The following FAM83H variants were observed in gnomAD, a reference collection of about 807,000 sequenced individuals.
The protein encoded by FAM83H is protein FAM83H.
Under a neutral mutation model 30.2 loss-of-function variants are expected in FAM83H, and 24 were observed. The observed-to-expected ratio is 0.79, with a 90% CI of 0.57 to 1.12. The LOEUF (loss-of-function observed/expected upper bound fraction) is 1.12. FAM83H is among the 50% of genes most tolerant of loss of function. FAM83H has a pLI of 0.00. For synonymous variants in FAM83H, 1,013 were observed against 821.7 expected (o/e 1.23, Z -3.98); for missense variants, 2,038 against 1,773.9 (o/e 1.15, Z -2.67).
chr8:143,730,649 C>T lies in FAM83H; in HGVS notation c.-15-52G>A, dbSNP rs1308313043. 3.1e-6 allele frequency: 4 copies of T among 1,278,708 alleles called. No individual in the cohort carries two copies. The South Asian group carries it at 4.5e-5, about 14-fold the overall frequency. 79.2% of individuals were successfully genotyped at this position (1,278,708 alleles called of 1,614,324 possible). ...AGGGGTGGGGGCACTGGGACCACTC[C>T]TACCCTCGAGCATGGACACACTGTG... On this transcript the variant is annotated intron_variant, in intron 1 of 4. Transcript: ENST00000388913.
At chr8:143,729,477 A>G (rs1554623833) in intron 2 of FAM83H, among the ~76,000 whole-genome samples, 154 bp from the exon 3 acceptor site, 1 of 152,206 alleles carries the variant, frequency 6.6e-6, no homozygotes, top group African/African-American at 2.4e-5. Context: ...ATCTGGGAAG[A>G]TGGGCAGGAA....
rs782792314 is a variant in FAM83H at position 143,728,626 on chromosome 8, C to T, written c.835G>A (p.Ala279Thr). The change falls in exon 5 of 5, where the codon GCG becomes ACG. Residue 279 changes from alanine to threonine, a missense_variant. Ala to Thr is a moderately conservative substitution (Grantham distance 58). Transcript: ENST00000388913. ...GAGGGCACAAGCGGCTCGGACTGCG[C>T]GAAGAGGATGCGGAACTCCTCGTCG... The part of the protein sequence containing the change: ...SFDEEFRILF[A>T]QSEPLVPSAA... 1.9e-6 allele frequency: 3 copies of T among 1,609,466 alleles called. No homozygotes were observed. Among genetic ancestry groups the T allele is most frequent in the South Asian group, 1.1e-5 (1 of 91,052 alleles).
At position 143,725,390 on chromosome 8, in the gene FAM83H, G is replaced by A. The variant is rs533325758; in HGVS notation, c.*531C>T. The A allele has an allele frequency of 5.3e-4, 90 of 169,510 alleles. No individual in the cohort carries two copies. The highest frequency in any genetic ancestry group is 2.1e-3 in the African/African-American group (88 of 41,766). 10.5% of individuals were successfully genotyped at this position (169,510 alleles called of 1,614,324 possible). On this transcript the variant is annotated 3_prime_UTR_variant, in exon 5 of 5. Transcript: ENST00000388913. ...GCGGGCTGATCATTTGAGGCCAGGA[G>A]TTGGAGACCAGCCTGGCCAACATAG...
Position 143,730,374 on chromosome 8 carries a change from G to A in FAM83H, c.209C>T (p.Pro70Leu). The A allele has an allele frequency of 6.2e-7, 1 of 1,613,548 alleles. No individual in the cohort carries two copies. The highest frequency in any genetic ancestry group is 8.5e-7 in the Non-Finnish European group (1 of 1,180,022). The part of the protein sequence containing the change: ...ELEHVSRHLR[P>L]PQYVTREPPE... ...TGGCTCTCGGGTAACATACTGCGGA[G>A]GCCGAAGGTGTCGGCTCACATGTTC... is the stretch of plus-strand genomic sequence containing the variant. Residue 70 changes from proline to leucine, a missense_variant, in exon 2 of 5, where the codon CCT (proline) becomes CTT (leucine). Coordinates refer to ENST00000388913, the MANE Select transcript of FAM83H (RefSeq NM_198488.5).
In FAM83H at chr8:143,726,926, C is replaced by T. The variant is rs782736726; in HGVS notation, c.2535G>A (p.Pro845=). 9 of 1,611,786 alleles carry T rather than the reference C, an allele frequency of 5.6e-6. No homozygotes were observed. The highest frequency in any genetic ancestry group is 3.3e-5 in the South Asian group (3 of 90,970). Residue 845 remains proline (P), a synonymous_variant, in exon 5 of 5, where the codon CCG becomes CCA. Coordinates refer to ENST00000388913, the MANE Select transcript of FAM83H (RefSeq NM_198488.5). Reference sequence around the variant, plus strand: ...GCGGCAGAGGGCTGTCCAGCCCTTGCGGGGACGTTGAGTGGCTCTGGGCAG... The same window carrying T: ...GCGGCAGAGGGCTGTCCAGCCCTTGTGGGGACGTTGAGTGGCTCTGGGCAG... ...FLSAQSHSTS[P]QGLDSPLPLE...
intron 1 of FAM83H, chr8:143,731,505 G>A: frequency 1.0e-6 from 1 of 985,440 alleles, no homozygotes; most frequent in Non-Finnish European, 1.2e-6. Flanking sequence ...GGCTCCCACA[G>A]CCCATTCTAT....
At position 143,727,502 on chromosome 8, in the gene FAM83H, C is replaced by T. The variant is rs1818344594; in HGVS notation, c.1959G>A (p.Glu653=). ...PGPGSGGNGP[E]REGPEEPGLA... ...GGCCAGGCTCCTCCGGGCCCTCGCGCTCTGGGCCGTTGCCGCCGCTGCCCG... is the reference window on the plus strand; with the variant it reads ...GGCCAGGCTCCTCCGGGCCCTCGCGTTCTGGGCCGTTGCCGCCGCTGCCCG... Residue 653 remains glutamate (E), a synonymous_variant, in exon 5 of 5, where the codon GAG becomes GAA. Transcript: ENST00000388913. 6.4e-7 allele frequency: 1 copy of T among 1,571,290 alleles called. No homozygotes were observed. The highest frequency in any genetic ancestry group is 1.3e-5 in the African/African-American group (1 of 74,252).
In FAM83H at chr8:143,727,955, G is replaced by C. The variant is rs545862355; in HGVS notation, c.1506C>G (p.Pro502=). The part of the protein sequence containing the change: ...GAGPRFPELG[P]DGHQRLDYVP... ...CGTAGTCCAGCCGCTGGTGCCCGTC[G>C]GGTCCGAGCTCCGGGAAGCGGGGCC... is the stretch of plus-strand genomic sequence containing the variant. Residue 502 remains proline, a synonymous_variant, in exon 5 of 5, where the codon CCC becomes CCG. Coordinates refer to ENST00000388913, the MANE Select transcript of FAM83H (RefSeq NM_198488.5). 1.3e-6 allele frequency: 2 copies of C among 1,557,776 alleles called. No individual in the cohort carries two copies. Among genetic ancestry groups the C allele is most frequent in the Admixed American group, 1.9e-5 (1 of 52,004 alleles).
In FAM83H at chr8:143,725,990, C is replaced by G; in HGVS notation, c.3471G>C (p.Glu1157Asp). Reference sequence around the variant, plus strand: ...TGCCCACCTTGCTGTCCCTGGTGCCCTCCTCCGCGGGGCCTTCCCCTGCCC... The same window carrying G: ...TGCCCACCTTGCTGTCCCTGGTGCCGTCCTCCGCGGGGCCTTCCCCTGCCC... ...SPGAGEGPAE[E>D]GTRDSKVGKF... The change falls in exon 5 of 5, where the codon GAG becomes GAC. Residue 1157 changes from glutamate (E) to aspartate (D), a missense_variant. Physicochemically the swap from Glu to Asp is conservative, Grantham distance 45. Coordinates refer to ENST00000388913, the MANE Select transcript of FAM83H (RefSeq NM_198488.5). 6.2e-7 allele frequency: 1 copy of G among 1,613,072 alleles called. No individual in the cohort carries two copies. The highest frequency in any genetic ancestry group is 8.5e-7 in the Non-Finnish European group (1 of 1,179,954).
chr8:143,730,634 G>C, intron 1 of FAM83H, 37 bp from the exon 2 acceptor site: 1 of 1,378,892 alleles, frequency 7.3e-7, no homozygotes, highest in Non-Finnish European at 9.7e-7. Context: ...AGGGGTGGGG[G>C]CACTGGGACC....
At chr8:143,731,554 C>T (rs1818522087) in intron 1 of FAM83H, 1 of 985,126 alleles carries the variant, frequency 1.0e-6, no homozygotes, top group Non-Finnish European at 1.2e-6. Flanking sequence ...TAGACTCCGT[C>T]CCTGTCTCCC....
At chr8:143,731,776 C>T (rs782476383) in intron 1 of FAM83H, 6 of 985,350 alleles carry the variant, frequency 6.1e-6, no homozygotes, top group South Asian at 4.7e-5. Flanking sequence ...GTCCTGGGCT[C>T]GCCACCACCA....
intron 1 of FAM83H, among the ~76,000 whole-genome samples, chr8:143,732,917 C>T (rs1162406136): frequency 6.6e-6 from 1 of 152,014 alleles, no homozygotes; most frequent in African/African-American, 2.4e-5. Flanking sequence ...AGCTGGCCTT[C>T]AAGGACCCCA....
Position 143,725,910 on chromosome 8 carries a change from G to A in FAM83H, c.*11C>T, listed in dbSNP as rs1282087412. On this transcript the variant is annotated 3_prime_UTR_variant, in exon 5 of 5. Coordinates refer to ENST00000388913, the MANE Select transcript of FAM83H (RefSeq NM_198488.5). ...GCGGGCACCCTGGCCTGGGTTGCCAGGCCAGAAGACTCACTTCTTGCTTTT... is the reference window on the plus strand; with the variant it reads ...GCGGGCACCCTGGCCTGGGTTGCCAAGCCAGAAGACTCACTTCTTGCTTTT... 3.7e-6 allele frequency: 6 copies of A among 1,612,408 alleles called. No homozygotes were observed. Among genetic ancestry groups the A allele is most frequent in the Middle Eastern group, 1.7e-4 (1 of 6,008 alleles).
At position 143,727,254 on chromosome 8, in the gene FAM83H, T is replaced by C; in HGVS notation, c.2207A>G (p.Glu736Gly). ...VRSAASTKVA[E>G]LLEKYKGPAR... ...TGGGCCCTTGTACTTCTCCAGCAGC[T>C]CCGCCACCTTGGTGGAAGCCGCGGA... Residue 736 changes from glutamate (E) to glycine (G), a missense_variant, in exon 5 of 5, where the codon GAG (glutamate) becomes GGG (glycine). By Grantham distance (98) the Glu-to-Gly change is moderately conservative (BLOSUM62 -2). Transcript: ENST00000388913. 1 of 1,535,058 alleles carries C rather than the reference T, an allele frequency of 6.5e-7. No individual in the cohort carries two copies. Among genetic ancestry groups the C allele is most frequent in the Non-Finnish European group, 8.7e-7 (1 of 1,146,344 alleles).
chr8:143,730,745 C>A (rs374728333), intron 1 of FAM83H, 148 bp from the exon 2 acceptor site: 3 of 630,194 alleles, frequency 4.8e-6, no homozygotes, highest in South Asian at 4.6e-5. Flanking sequence ...GGGCACCAGC[C>A]GAACCAGGCT....
chr8:143,726,512 A>T lies in FAM83H; in HGVS notation c.2949T>A (p.Asp983Glu). The T allele has an allele frequency of 6.2e-7, 1 of 1,606,030 alleles. No homozygotes were observed. Among genetic ancestry groups the T allele is most frequent in the Non-Finnish European group, 8.5e-7 (1 of 1,179,664 alleles). Residue 983 changes from aspartate (D) to glutamate (E), a missense_variant, in exon 5 of 5, where the codon GAT becomes GAA. Transcript: ENST00000388913. ...LSPKGERRME[D>E]EGGFPVPQEN... is the part of the protein sequence containing the mutation. ...CCTGCGGCACTGGGAAGCCACCCTCATCCTCCATGCGCCGCTCGCCCTTGG... is the reference window on the plus strand; with the variant it reads ...CCTGCGGCACTGGGAAGCCACCCTCTTCCTCCATGCGCCGCTCGCCCTTGG...
rs782762744 is a variant in FAM83H, at chr8:143,729,329, G to C, written c.448-6C>G. ...TCCATCACCACGGCCACCACCTGCAGGGGCGGGTCAGGACGGAGAGGAGAG... is the reference window on the plus strand; with the variant it reads ...TCCATCACCACGGCCACCACCTGCACGGGCGGGTCAGGACGGAGAGGAGAG... On this transcript the variant is annotated splice_polypyrimidine_tract_variant and splice_region_variant and intron_variant, in intron 2 of 4. Coordinates refer to ENST00000388913, the MANE Select transcript of FAM83H (RefSeq NM_198488.5). The C allele has an allele frequency of 1.2e-6, 2 of 1,612,752 alleles. No homozygotes were observed. Among genetic ancestry groups the C allele is most frequent in the Admixed American group, 3.3e-5 (2 of 60,010 alleles).
At position 143,728,422 on chromosome 8, in the gene FAM83H, C is replaced by G. The variant is rs1374169080; in HGVS notation, c.1039G>C (p.Asp347His). 8.5e-5 allele frequency: 132 copies of G among 1,548,424 alleles called. No individual in the cohort carries two copies. Among genetic ancestry groups the G allele is most frequent in the Non-Finnish European group, 1.1e-4 (128 of 1,145,728 alleles). Residue 347 changes from aspartate (D) to histidine (H), a missense_variant, in exon 5 of 5, where the codon GAC becomes CAC. Coordinates refer to ENST00000388913, the MANE Select transcript of FAM83H (RefSeq NM_198488.5). ...GLGFPSFLDP[D>H]RHFLSAFRRE... The stretch of plus-strand genomic sequence containing the variant: ...CGGAAGGCCGACAGGAAGTGGCGGT[C>G]CGGGTCGAGGAAGGAGGGGAAGCCC...
Sources: gnomAD v4.1 joint callset for allele counts (sites outside exome capture counted in the v4.1 genomes callset) on GRCh38, gnomAD v4.1.1 for gene constraint, MANE v1.5 for transcripts, NCBI Gene and HGNC (gene_info 2026-07-23, HGNC 2026-07-21) for gene names.